Variants in DLG2 observed in about 807,000 individuals in gnomAD.
DLG2 encodes disks large homolog 2.
DLG2 carries 45 observed loss-of-function variants against 132.5 expected under a neutral mutation model. The observed-to-expected ratio is 0.34, with a 90% confidence interval of 0.27 to 0.44. The LOEUF is 0.44. Among genes scored for constraint, DLG2 ranks in the 20% least tolerant of loss-of-function variants. The probability of loss-of-function intolerance (pLI) is 1.00; values close to 1 mark genes in which losing one functional copy is unlikely to be tolerated. For missense variants in DLG2, 1,045 were observed against 1,196.9 expected, an observed-to-expected ratio of 0.87 and a Z score of 1.87; for synonymous variants, 424 against 419.6, an observed-to-expected ratio of 1.01 and a Z score of -0.13.
chr11:85,361,933 G>C (rs1405892287), intron 3 of DLG2, among the ~76,000 whole-genome samples: 1 of 152,242 alleles, frequency 6.6e-6, no homozygotes, highest in South Asian at 2.1e-4. Flanking sequence ...CAATCCATGA[G>C]CATGGGATTT....
intron 3 of DLG2, among the ~76,000 whole-genome samples, chr11:85,300,984 T>C (rs1432347865): frequency 6.6e-6 from 1 of 152,030 alleles, no homozygotes; most frequent in Non-Finnish European, 1.5e-5. Context: ...GAGGATCACT[T>C]AAGGTCAAGA....
At chr11:85,005,002 T>C (rs1277033046) in intron 6 of DLG2, among the ~76,000 whole-genome samples, 5 of 152,116 alleles carry the variant, frequency 3.3e-5, no homozygotes, top group Non-Finnish European at 7.4e-5. Flanking sequence ...CCATTGCTTG[T>C]TTTTTGTCAG....
chr11:83,877,306 T>C (rs1281904075), intron 15 of DLG2, among the ~76,000 whole-genome samples: 1 of 152,124 alleles, frequency 6.6e-6, no homozygotes, highest in Non-Finnish European at 1.5e-5. Flanking sequence ...TGGCTAATTG[T>C]ATATCTTTTG....
rs183949433 is a variant in DLG2 at position 84,630,150 on chromosome 11, T to A, written c.358-95419A>T. On this transcript the variant is annotated intron_variant, in intron 6 of 27. Coordinates refer to ENST00000376104, the MANE Select transcript of DLG2 (RefSeq NM_001142699.3). Reference sequence around the variant, plus strand: ...TTCAACCCTTTCCCTTACTGACCCATCAAGAAATCCTTAACGCCACCCAAG... The same window carrying A: ...TTCAACCCTTTCCCTTACTGACCCAACAAGAAATCCTTAACGCCACCCAAG... Among the ~76,000 whole-genome samples, 15 of 152,214 alleles carry A rather than the reference T, an allele frequency of 9.9e-5. No homozygotes were observed. The East Asian group carries it at 2.7e-3, about 27-fold the overall frequency.
intron 5 of DLG2, among the ~76,000 whole-genome samples, chr11:85,121,865 T>C (rs2074363380): frequency 6.6e-6 from 1 of 152,200 alleles, no homozygotes; most frequent in Admixed American, 6.5e-5. Flanking sequence ...TGTACATGTA[T>C]GTATATATGC....
In DLG2 at chr11:84,991,206, G is replaced by A. The variant is rs1307259159; in HGVS notation, c.357+120455C>T. Among the ~76,000 whole-genome samples, 3 of 152,098 alleles carry A rather than the reference G, an allele frequency of 2.0e-5. No homozygotes were observed. In the East Asian group the frequency reaches 5.8e-4, roughly 29 times the overall value. ...GGTTGCCAGAGATTAAGTATAAGAT[G>A]AAGAAAAGAAGAAAGTGGGGATGTT... On this transcript the variant is annotated intron_variant, in intron 6 of 27. Coordinates refer to ENST00000376104, the MANE Select transcript of DLG2 (RefSeq NM_001142699.3).
intron 3 of DLG2, among the ~76,000 whole-genome samples, chr11:85,550,209 C>G (rs1260852139): frequency 6.6e-6 from 1 of 152,238 alleles, no homozygotes; most frequent in Non-Finnish European, 1.5e-5. Flanking sequence ...GGACGTCATA[C>G]TGGCCCTTTG....
At chr11:84,608,322 T>G (rs1419034996) in intron 6 of DLG2, among the ~76,000 whole-genome samples, 1 of 152,138 alleles carries the variant, frequency 6.6e-6, no homozygotes, top group Non-Finnish European at 1.5e-5. Flanking sequence ...TTTGTGTGTT[T>G]GTTTTTACCA....
At chr11:83,851,411 G>A (rs1227810796) in intron 16 of DLG2, among the ~76,000 whole-genome samples, 1 of 151,618 alleles carries the variant, frequency 6.6e-6, no homozygotes, top group Non-Finnish European at 1.5e-5. Flanking sequence ...AATCACCTGA[G>A]GTCGGGAGTT....
chr11:84,495,495 A>G (rs1217401100), intron 7 of DLG2, among the ~76,000 whole-genome samples: 3 of 152,192 alleles, frequency 2.0e-5, no homozygotes, highest in African/African-American at 7.2e-5. Flanking sequence ...TTCATAAGAA[A>G]AAGGACTGGG....
intron 6 of DLG2, among the ~76,000 whole-genome samples, chr11:84,808,368 A>G (rs941693911): frequency 2.0e-5 from 3 of 152,102 alleles, no homozygotes; most frequent in African/African-American, 4.8e-5. Context: ...TTAAATGTAT[A>G]TATTCGAAAA....
chr11:85,297,934 G>A (rs1023079669), intron 3 of DLG2, among the ~76,000 whole-genome samples: 2 of 152,180 alleles, frequency 1.3e-5, no homozygotes, highest in African/African-American at 4.8e-5. Flanking sequence ...CATAATGTCT[G>A]AGCATGGAGT....
rs972508902 is a variant in DLG2 at position 83,668,630 on chromosome 11, CAT to C, written c.1826-35307_1826-35306del. Reference sequence around the variant, plus strand: ...AAGAAAAACTATATATACACACACACATGTATATATACACACATGTGTATGTA... The same window carrying C: ...AAGAAAAACTATATATACACACACACGTATATATACACACATGTGTATGTA... On this transcript the variant is annotated intron_variant, in intron 18 of 27. Coordinates refer to ENST00000376104, the MANE Select transcript of DLG2 (RefSeq NM_001142699.3). Among the ~76,000 whole-genome samples the C allele has an allele frequency of 2.6e-3, 390 of 150,216 alleles. 3 individuals are homozygous for C. The highest frequency in any genetic ancestry group is 7.3e-3 in the African/African-American group (299 of 41,012).
intron 18 of DLG2, among the ~76,000 whole-genome samples, chr11:83,657,815 C>T: frequency 6.6e-6 from 1 of 152,296 alleles, no homozygotes; most frequent in Non-Finnish European, 1.5e-5. Flanking sequence ...GCTGGGATTA[C>T]AGGCGTGAGC....
chr11:84,565,862 GATC>G (rs2099452109), intron 6 of DLG2, among the ~76,000 whole-genome samples: 1 of 151,750 alleles, frequency 6.6e-6, no homozygotes, highest in South Asian at 2.1e-4. Flanking sequence ...TCACTAGAAT[GATC>G]ATCAAATGTG....
intron 11 of DLG2, among the ~76,000 whole-genome samples, chr11:84,007,070 A>AG (rs1220771715): frequency 6.6e-6 from 1 of 151,682 alleles, no homozygotes; most frequent in African/African-American, 2.4e-5. Flanking sequence ...TCACCCTTAT[A>AG]GGGCTCTTTG....
chr11:84,882,703 T>C (rs1382716310), intron 6 of DLG2, among the ~76,000 whole-genome samples: 2 of 152,076 alleles, frequency 1.3e-5, no homozygotes, highest in African/African-American at 4.8e-5. Flanking sequence ...CATGAAGTAA[T>C]GTAAGGGAGA....
Position 83,885,589 on chromosome 11 carries a change from T to C in DLG2, c.1497-11101A>G, listed in dbSNP as rs1038032316. Among the ~76,000 whole-genome samples, 260 of 152,096 alleles carry C rather than the reference T, an allele frequency of 1.7e-3. 2 individuals carry two copies. Among genetic ancestry groups the C allele is most frequent in the African/African-American group, 5.9e-3 (243 of 41,498 alleles). On this transcript the variant is annotated intron_variant, in intron 15 of 27. Coordinates refer to ENST00000376104, the MANE Select transcript of DLG2 (RefSeq NM_001142699.3). ...CAGGCCAACATTCAGATTCAGGAAATACAGAGAACGCCACAAAGATACTCC... is the reference window on the plus strand; with the variant it reads ...CAGGCCAACATTCAGATTCAGGAAACACAGAGAACGCCACAAAGATACTCC...
At chr11:83,876,169 G>A (rs918431247) in intron 15 of DLG2, among the ~76,000 whole-genome samples, 1 of 152,114 alleles carries the variant, frequency 6.6e-6, no homozygotes, top group African/African-American at 2.4e-5. Context: ...GACTGGGATA[G>A]TAACAGGACT....
Sources: allele counts gnomAD v4.1 joint callset (sites outside exome capture counted in the v4.1 genomes callset), GRCh38; gene constraint gnomAD v4.1.1; transcripts MANE v1.5; gene names NCBI Gene and HGNC (gene_info 2026-07-23, HGNC 2026-07-21).